Variants in AKAP19 observed in about 807,000 individuals in gnomAD.
AKAP19 encodes A-kinase anchoring protein 19.
At chr2:189,945,553 A>C in the AKAP19 span, among the ~76,000 whole-genome samples, 2 of 151,792 alleles carry the variant, frequency 1.3e-5, no homozygotes, top group East Asian at 1.9e-4. Context: ...AGACTAAAAA[A>C]CTCTTCAAAC....
chr2:190,007,715 C>G, the AKAP19 span, among the ~76,000 whole-genome samples: 1 of 152,146 alleles, frequency 6.6e-6, no homozygotes, highest in Non-Finnish European at 1.5e-5. Context: ...AATCCTAGCA[C>G]TTTGGGAGGC....
At chr2:190,063,093 T>C in the AKAP19 span, among the ~76,000 whole-genome samples, 1 of 152,088 alleles carries the variant, frequency 6.6e-6, no homozygotes, top group Non-Finnish European at 1.5e-5. Flanking sequence ...TATTACTTCC[T>C]CAAAAACTAA....
At chr2:190,164,211 T>C in the AKAP19 span, among the ~76,000 whole-genome samples, 1 of 152,258 alleles carries the variant, frequency 6.6e-6, no homozygotes, top group Non-Finnish European at 1.5e-5. Flanking sequence ...AAGAAAAGGC[T>C]TTATTACAGT....
the AKAP19 span, among the ~76,000 whole-genome samples, chr2:189,900,004 G>T: frequency 5.3e-5 from 8 of 151,800 alleles, no homozygotes; most frequent in African/African-American, 1.9e-4. Flanking sequence ...AAACATCCTC[G>T]TCTGCATATT....
At chr2:190,157,869 C>A in the AKAP19 span, among the ~76,000 whole-genome samples, 1 of 151,870 alleles carries the variant, frequency 6.6e-6, no homozygotes, top group Admixed American at 6.6e-5. Flanking sequence ...AGAGAGAGAC[C>A]CTCTCATATT....
At chr2:190,180,830 G>A in the AKAP19 span, 1 of 985,250 alleles carries the variant, frequency 1.0e-6, no homozygotes, top group East Asian at 1.1e-4. This position sits in a 1 kb window ranked among gnomAD's most constrained non-coding sequence, Gnocchi z 6.8. Flanking sequence ...GGGGCCGGGA[G>A]CCCGGGCGCC....
At chr2:189,950,714 TATAA>T in the AKAP19 span, among the ~76,000 whole-genome samples, 1 of 152,200 alleles carries the variant, frequency 6.6e-6, no homozygotes, top group African/African-American at 2.4e-5. Flanking sequence ...TGCCTATGTA[TATAA>T]ATACATAGAG....
chr2:189,914,147 A>G, the AKAP19 span, among the ~76,000 whole-genome samples: 7 of 152,156 alleles, frequency 4.6e-5, no homozygotes, highest in African/African-American at 1.7e-4. Context: ...CTCACAATAT[A>G]GTGATTAAAT....
chr2:189,949,345 A>G, the AKAP19 span, among the ~76,000 whole-genome samples: 2 of 151,984 alleles, frequency 1.3e-5, no homozygotes, highest in African/African-American at 4.8e-5. Flanking sequence ...CGAGGTCAGG[A>G]GTTCAAAACT....
chr2:190,180,410 G>A, the AKAP19 span: 2 of 942,046 alleles, frequency 2.1e-6, no homozygotes, highest in Non-Finnish European at 2.5e-6. The surrounding 1 kb of genome is among the most constrained non-coding windows in gnomAD (Gnocchi z 6.8). Context: ...CCAGGGCGGA[G>A]CTCAGGAGAG....
the AKAP19 span, among the ~76,000 whole-genome samples, chr2:190,065,412 C>T: frequency 1.1e-3 from 162 of 152,066 alleles, 1 homozygote; most frequent in African/African-American, 3.7e-3. Context: ...TTAATGCCAC[C>T]GAACTGTACA....
chr2:189,946,801 C>A, the AKAP19 span, among the ~76,000 whole-genome samples: 1 of 152,036 alleles, frequency 6.6e-6, no homozygotes, highest in East Asian at 1.9e-4. Flanking sequence ...CATTTCATAC[C>A]AGAAAGCTAG....
chr2:190,006,011 T>C, the AKAP19 span, among the ~76,000 whole-genome samples: 4 of 152,246 alleles, frequency 2.6e-5, no homozygotes, highest in African/African-American at 4.8e-5. Context: ...CATATTAATT[T>C]CTATTATTAT....
chr2:190,036,533 C>T, the AKAP19 span, among the ~76,000 whole-genome samples: 1 of 152,056 alleles, frequency 6.6e-6, no homozygotes, highest in African/African-American at 2.4e-5. Context: ...TAAACAATGG[C>T]ATTATTACAT....
the AKAP19 span, among the ~76,000 whole-genome samples, chr2:189,894,914 C>G: frequency 6.6e-6 from 1 of 150,586 alleles, no homozygotes; most frequent in East Asian, 1.9e-4. Context: ...CAAAAAGTAC[C>G]AATTACAATT....
At chr2:189,912,810 T>C in the AKAP19 span, among the ~76,000 whole-genome samples, 2 of 152,218 alleles carry the variant, frequency 1.3e-5, no homozygotes, top group African/African-American at 4.8e-5. Context: ...TTCTTGATTC[T>C]TTTGACGTGA....
the AKAP19 span, chr2:189,931,032 T>A: frequency 1.7e-6 from 1 of 598,444 alleles, no homozygotes; most frequent in East Asian, 2.9e-5. Context: ...AAGGGGTGGG[T>A]GTGTGATCTG....
At chr2:190,079,892 A>T in the AKAP19 span, 47,095 of 104,456 alleles carry the variant, frequency 0.45, 7,361 homozygotes, top group East Asian at 0.65. Flanking sequence ...TGTGTGTGTG[A>T]GAGAGAGAGA....
At chr2:189,971,718 A>G in the AKAP19 span, among the ~76,000 whole-genome samples, 23 of 152,074 alleles carry the variant, frequency 1.5e-4, no homozygotes, top group Non-Finnish European at 3.2e-4. Flanking sequence ...TTTGATTTGC[A>G]TTTCTCTGAT....
Sources: allele counts gnomAD v4.1 joint callset (sites outside exome capture counted in the v4.1 genomes callset), GRCh38; gene constraint gnomAD v4.1.1; non-coding constraint Gnocchi (gnomAD v3.1); transcripts MANE v1.5; gene names NCBI Gene and HGNC (gene_info 2026-07-23, HGNC 2026-07-21).